Variants in VSTM2B observed in about 807,000 individuals in gnomAD.
VSTM2B encodes V-set and transmembrane domain containing 2B, also known as V-set and transmembrane domain-containing protein 2B.
A neutral mutation model predicts 24.0 loss-of-function variants in VSTM2B; 24 were observed. That is an observed-to-expected ratio of 1.00 (90% CI 0.72 to 1.40). VSTM2B has a LOEUF of 1.40. VSTM2B is among the 40% of genes most tolerant of loss of function. VSTM2B has a pLI of 0.00. For missense variants in VSTM2B, 399 were observed against 416.4 expected (o/e 0.96, Z 0.36); for synonymous variants, 226 against 194.4 (o/e 1.16, Z -1.35).
At chr19:29,544,482 C>T (rs1178426302) in intron 4 of VSTM2B, among the ~76,000 whole-genome samples, 1 of 126,062 alleles carries the variant, frequency 7.9e-6, no homozygotes, top group Non-Finnish European at 1.6e-5. Flanking sequence ...GCAGAGATCG[C>T]GCCACTGCAC....
rs77889817 is a variant in VSTM2B, at chr19:29,530,401, C to T, written c.769+111C>T. ...AGGACCCGCCCCCTGGGCGCATTTGCATATGCATACTCCTTCCTAGTTAGG... is the reference window on the plus strand; with the variant it reads ...AGGACCCGCCCCCTGGGCGCATTTGTATATGCATACTCCTTCCTAGTTAGG... On this transcript the variant is annotated intron_variant, in intron 4 of 4. Coordinates refer to ENST00000335523, the MANE Select transcript of VSTM2B (RefSeq NM_001146339.2). 5,379 of 941,912 alleles carry T rather than the reference C, an allele frequency of 5.7e-3. 177 individuals are homozygous for T. In the African/African-American group the frequency reaches 0.077, roughly 13 times the overall value. 58.3% of individuals were successfully genotyped at this position (941,912 alleles called of 1,614,324 possible). A position where few individuals can be genotyped will look rare whatever the true frequency, so the allele number is the denominator to read the frequency against.
At chr19:29,534,452 C>A (rs891728693) in intron 4 of VSTM2B, among the ~76,000 whole-genome samples, 1 of 152,156 alleles carries the variant, frequency 6.6e-6, no homozygotes, top group Non-Finnish European at 1.5e-5. Context: ...CAGTGGCTCA[C>A]GCCTGTAATC....
chr19:29,547,592 C>G (rs1970183089), intron 4 of VSTM2B, among the ~76,000 whole-genome samples: 1 of 152,142 alleles, frequency 6.6e-6, no homozygotes, highest in Non-Finnish European at 1.5e-5. Context: ...GAGAGGGAGG[C>G]CCTAGGCCAG....
At chr19:29,533,644 C>T (rs1344611971) in intron 4 of VSTM2B, among the ~76,000 whole-genome samples, 1 of 152,226 alleles carries the variant, frequency 6.6e-6, no homozygotes, top group Non-Finnish European at 1.5e-5. Flanking sequence ...AGCCTTGATG[C>T]CAAGGAGGGA....
chr19:29,559,103 C>T (rs772707359), intron 4 of VSTM2B, among the ~76,000 whole-genome samples: 7 of 152,150 alleles, frequency 4.6e-5, no homozygotes, highest in African/African-American at 9.7e-5. Flanking sequence ...CCAACAATCT[C>T]ATTACTGGGT....
At chr19:29,532,733 C>T (rs1969788859) in intron 4 of VSTM2B, among the ~76,000 whole-genome samples, 1 of 152,218 alleles carries the variant, frequency 6.6e-6, no homozygotes, top group East Asian at 1.9e-4. Flanking sequence ...TCATTATTAT[C>T]ACCCTGGTCA....
At position 29,528,435 on chromosome 19, in the gene VSTM2B, A is replaced by G. The variant is rs1216733744; in HGVS notation, c.270A>G (p.Val90=). The G allele has an allele frequency of 1.3e-6, 2 of 1,551,044 alleles. No individual in the cohort carries two copies. Among genetic ancestry groups the G allele is most frequent in the Non-Finnish European group, 1.7e-6 (2 of 1,146,974 alleles). The change falls in exon 3 of 5, where the codon GTA becomes GTG. Residue 90 remains valine, a splice_region_variant and synonymous_variant. Coordinates refer to ENST00000335523, the MANE Select transcript of VSTM2B (RefSeq NM_001146339.2). ...ALSVPGARSK[V]TNKDATKIST... is the part of the protein sequence containing the mutation. ...CTCTCTCCCTCTTTGCATTTTAGGT[A>G]ACAAATAAGGATGCAACTAAAATCA...
rs1414936835 is a variant in VSTM2B, at chr19:29,526,791, C to T, written c.82+126C>T. On this transcript the variant is annotated intron_variant, in intron 1 of 4. Coordinates refer to ENST00000335523, the MANE Select transcript of VSTM2B (RefSeq NM_001146339.2). This position sits in a 1 kb window ranked among gnomAD's most constrained non-coding sequence, Gnocchi z 4.1. Reference sequence around the variant, plus strand: ...GTCTCCAGCAATCCCGCTGTGCAGCCTGGGCCCGGAGGGGTAGGGAGAGGC... The same window carrying T: ...GTCTCCAGCAATCCCGCTGTGCAGCTTGGGCCCGGAGGGGTAGGGAGAGGC... The T allele has an allele frequency of 1.1e-6, 1 of 912,350 alleles. No individual in the cohort carries two copies. Among genetic ancestry groups the T allele is most frequent in the African/African-American group, 1.7e-5 (1 of 57,800 alleles). The allele number at this position is 912,350 out of a possible 1,614,324, so 56.5% of individuals were successfully genotyped here.
At chr19:29,559,790 T>C (rs1970487566) in intron 4 of VSTM2B, among the ~76,000 whole-genome samples, 1 of 152,218 alleles carries the variant, frequency 6.6e-6, no homozygotes, top group Admixed American at 6.5e-5. Flanking sequence ...CACTTGACTC[T>C]GTTTGAGGCG....
chr19:29,532,328 C>A lies in VSTM2B; in HGVS notation c.769+2038C>A, dbSNP rs151006183. On this transcript the variant is annotated intron_variant, in intron 4 of 4. Coordinates refer to ENST00000335523, the MANE Select transcript of VSTM2B (RefSeq NM_001146339.2). ...AATGTAGTCCTTGGTGTGGCGGCTGCTTTCGGGCCTCATCTCTTCACAGTG... is the reference window on the plus strand; with the variant it reads ...AATGTAGTCCTTGGTGTGGCGGCTGATTTCGGGCCTCATCTCTTCACAGTG... Among the ~76,000 whole-genome samples the A allele has an allele frequency of 2.6e-3, 390 of 152,290 alleles. 4 individuals carry two copies. Among genetic ancestry groups the A allele is most frequent in the Admixed American group, 5.9e-3 (90 of 15,300 alleles).
chr19:29,536,255 T>A (rs1322458774), intron 4 of VSTM2B, among the ~76,000 whole-genome samples: 2 of 152,202 alleles, frequency 1.3e-5, no homozygotes, highest in Non-Finnish European at 2.9e-5. Flanking sequence ...GACAAAGCAG[T>A]CTGTGCTGTG....
At chr19:29,563,824 C>A in intron 4 of VSTM2B, 22 bp from the exon 5 acceptor site, 2 of 1,549,864 alleles carry the variant, frequency 1.3e-6, no homozygotes, top group Non-Finnish European at 8.7e-7. Flanking sequence ...GTTAACCTTG[C>A]CTGTTTTCTC....
chr19:29,545,373 G>A (rs1321049224), intron 4 of VSTM2B, among the ~76,000 whole-genome samples: 1 of 152,188 alleles, frequency 6.6e-6, no homozygotes, highest in Non-Finnish European at 1.5e-5. Flanking sequence ...AGCACTTTGG[G>A]AGGCCGAGGC....
At chr19:29,543,532 TC>T (rs1970073232) in intron 4 of VSTM2B, among the ~76,000 whole-genome samples, 1 of 152,214 alleles carries the variant, frequency 6.6e-6, no homozygotes, top group Non-Finnish European at 1.5e-5. Context: ...ACCTACAGCC[TC>T]CTCCCGGACC....
chr19:29,547,735 C>G (rs1970185565), intron 4 of VSTM2B, among the ~76,000 whole-genome samples: 1 of 152,100 alleles, frequency 6.6e-6, no homozygotes, highest in Non-Finnish European at 1.5e-5. Flanking sequence ...TGTGCCAAGC[C>G]CTCTGTGTTT....
At chr19:29,549,696 C>T (rs1408585461) in intron 4 of VSTM2B, among the ~76,000 whole-genome samples, 1 of 152,232 alleles carries the variant, frequency 6.6e-6, no homozygotes, top group African/African-American at 2.4e-5. Flanking sequence ...TGTCTCCCCA[C>T]AGGGAAAAGG....
chr19:29,545,713 T>G (rs1970137563), intron 4 of VSTM2B, among the ~76,000 whole-genome samples: 1 of 152,210 alleles, frequency 6.6e-6, no homozygotes, highest in Non-Finnish European at 1.5e-5. Flanking sequence ...CATCACATTT[T>G]CTTTATCCAG....
chr19:29,547,261 T>C lies in VSTM2B; in HGVS notation c.770-16585T>C, dbSNP rs570310229. Among the ~76,000 whole-genome samples the C allele has an allele frequency of 2.0e-5, 3 of 152,244 alleles. No homozygotes were observed. The South Asian group carries it at 6.2e-4, about 32-fold the overall frequency. ...TCTGCAATTCAGATTCAATGGAGTG[T>C]CCTGTTTTTTATCTGGCAACCCCAG... is the stretch of plus-strand genomic sequence containing the variant. On this transcript the variant is annotated intron_variant, in intron 4 of 4. Transcript: ENST00000335523.
chr19:29,562,872 C>T (rs1160010811), intron 4 of VSTM2B, among the ~76,000 whole-genome samples: 1 of 152,084 alleles, frequency 6.6e-6, no homozygotes, highest in Non-Finnish European at 1.5e-5. Flanking sequence ...CATGGCAGGC[C>T]AGGGGCCAGG....
Sources: allele counts gnomAD v4.1 joint callset (sites outside exome capture counted in the v4.1 genomes callset), GRCh38; gene constraint gnomAD v4.1.1; non-coding constraint Gnocchi (gnomAD v3.1); transcripts MANE v1.5; gene names NCBI Gene and HGNC (gene_info 2026-07-23, HGNC 2026-07-21).